Variants in GCH1 observed in about 807,000 individuals in gnomAD.
GCH1 encodes GTP cyclohydrolase I.
A neutral mutation model predicts 25.9 loss-of-function variants in GCH1; 5 were observed. That is an observed-to-expected ratio of 0.19 (90% confidence interval 0.10 to 0.41). The LOEUF (loss-of-function observed/expected upper bound fraction) is 0.41, where lower values mean the gene tolerates loss of function less well. GCH1 is among the 10% of genes least tolerant of loss of function. The pLI is 1.00. For missense variants in GCH1, 261 were observed against 336.5 expected (o/e 0.78, Z 1.75); for synonymous variants, 159 against 129.6 (o/e 1.23, Z -1.54).
At chr14:54,902,214 T>C in intron 1 of GCH1, 107 bp downstream of exon 1, 4 of 1,268,482 alleles carry the variant, frequency 3.2e-6, no homozygotes, top group South Asian at 1.3e-5. Flanking sequence ...CCCGGCTTCC[T>C]GCGCCAAAAG....
At chr14:54,853,447 G>C (rs1252792197) in intron 3 of GCH1, among the ~76,000 whole-genome samples, 1 of 152,216 alleles carries the variant, frequency 6.6e-6, no homozygotes, top group African/African-American at 2.4e-5. Context: ...AGGGAGGACA[G>C]AATCCAGACT....
chr14:54,850,819 T>C (rs1361257095), intron 3 of GCH1, among the ~76,000 whole-genome samples: 1 of 152,204 alleles, frequency 6.6e-6, no homozygotes, highest in African/African-American at 2.4e-5. Context: ...CATCTTTTGT[T>C]ATGGCTGCAT....
At chr14:54,893,593 A>G (rs541403801) in intron 1 of GCH1, among the ~76,000 whole-genome samples, 17 of 152,352 alleles carry the variant, frequency 1.1e-4, no homozygotes, top group Admixed American at 4.6e-4. Context: ...AGAGATTACA[A>G]TGATTCTCTT....
intron 1 of GCH1, chr14:54,885,868 G>A (rs191658478): frequency 2.2e-3 from 390 of 177,338 alleles, no homozygotes; most frequent in Middle Eastern, 7.7e-3. Flanking sequence ...CATCCTGGGC[G>A]GCAGAGCTAG....
chr14:54,899,552 C>A lies in GCH1; in HGVS notation c.343+2769G>T, dbSNP rs61977039. Among the ~76,000 whole-genome samples, 638 of 152,272 alleles carry A rather than the reference C, an allele frequency of 4.2e-3. 4 individuals are homozygous for A. Among genetic ancestry groups the A allele is most frequent in the Admixed American group, 0.013 (193 of 15,294 alleles). On this transcript the variant is annotated intron_variant, in intron 1 of 5. Transcript: ENST00000491895. The stretch of plus-strand genomic sequence containing the variant: ...ACAGGGTCTCCCCACGTTGCCCAGG[C>A]TGTTCTCCTGAGCAACAACTATCCT...
intron 1 of GCH1, among the ~76,000 whole-genome samples, chr14:54,867,907 A>G (rs2040012094): frequency 6.6e-6 from 1 of 152,226 alleles, no homozygotes; most frequent in Non-Finnish European, 1.5e-5. Context: ...AAAAGGAAAA[A>G]TAGTAACTTG....
At chr14:54,892,274 C>T (rs1353846159) in intron 1 of GCH1, among the ~76,000 whole-genome samples, 1 of 152,200 alleles carries the variant, frequency 6.6e-6, no homozygotes, top group African/African-American at 2.4e-5. Flanking sequence ...CAGTTTCAGG[C>T]ACCCACTGGG....
chr14:54,886,489 G>A (rs528872146), intron 1 of GCH1, among the ~76,000 whole-genome samples: 2 of 152,252 alleles, frequency 1.3e-5, no homozygotes, highest in South Asian at 4.2e-4. Flanking sequence ...GTGGGTGCCT[G>A]TAGTCCCAGC....
At chr14:54,892,896 T>C (rs2040440992) in intron 1 of GCH1, among the ~76,000 whole-genome samples, 1 of 149,670 alleles carries the variant, frequency 6.7e-6, no homozygotes, top group African/African-American at 2.5e-5. Context: ...CTGGCTAACA[T>C]GGTGAAACCC....
rs559547184 is a variant in GCH1 at position 54,876,570 on chromosome 14, G to T, written c.344-11134C>A. Among the ~76,000 whole-genome samples, 177 of 152,188 alleles carry T rather than the reference G, an allele frequency of 1.2e-3. 1 individual carries two copies. The highest frequency in any genetic ancestry group is 4.1e-3 in the African/African-American group (169 of 41,538). On this transcript the variant is annotated intron_variant, in intron 1 of 5. Transcript: ENST00000491895. Reference sequence around the variant, plus strand: ...GCTATTCAGGCGGCTGAAGCAGGAGGATCCCTTGAACCCAGGATAGGAGTT... The same window carrying T: ...GCTATTCAGGCGGCTGAAGCAGGAGTATCCCTTGAACCCAGGATAGGAGTT...
intron 2 of GCH1, among the ~76,000 whole-genome samples, chr14:54,860,922 A>G (rs1203993853): frequency 3.3e-5 from 5 of 152,214 alleles, no homozygotes; most frequent in African/African-American, 1.2e-4. Context: ...GTTTTAAAGG[A>G]CCCAATATAC....
At position 54,843,454 on chromosome 14, in the gene GCH1, T is replaced by TC; in HGVS notation, c.*562dup. On this transcript the variant is annotated 3_prime_UTR_variant, in exon 6 of 6. Coordinates refer to ENST00000491895, the MANE Select transcript of GCH1 (RefSeq NM_000161.3). ...ACAGTAAAATCAAAAACATAGACAT[T>TC]CCACCACCTTCCCTTGGTGACTAAC... The TC allele has an allele frequency of 8.1e-7, 1 of 1,236,482 alleles. No homozygotes were observed. The highest frequency in any genetic ancestry group is 1.0e-6 in the Non-Finnish European group (1 of 987,710). The allele number at this position is 1,236,482 out of a possible 1,614,324, so 76.6% of individuals were successfully genotyped here. A position where few individuals can be genotyped will look rare whatever the true frequency, so the allele number is the denominator to read the frequency against.
intron 1 of GCH1, among the ~76,000 whole-genome samples, chr14:54,870,422 A>C (rs1314887991): frequency 2.0e-5 from 3 of 150,622 alleles, no homozygotes; most frequent in Non-Finnish European, 4.4e-5. Flanking sequence ...TCCCAGTGTG[A>C]GCAACGCATA....
intron 3 of GCH1, among the ~76,000 whole-genome samples, chr14:54,853,830 C>T (rs1226856385): frequency 1.3e-5 from 2 of 151,980 alleles, no homozygotes; most frequent in East Asian, 1.9e-4. Context: ...TTTCTCTACG[C>T]TCTTGAATTA....
At chr14:54,861,901 T>A (rs1052643851) in intron 2 of GCH1, among the ~76,000 whole-genome samples, 1 of 152,166 alleles carries the variant, frequency 6.6e-6, no homozygotes, top group African/African-American at 2.4e-5. Context: ...CTTGAACAAG[T>A]CACAGGCTTT....
In GCH1 at chr14:54,859,684, G is replaced by C; in HGVS notation, c.506C>G (p.Ala169Gly). The stretch of plus-strand genomic sequence containing the variant: ...TTCACTGCACAGTCACACTTACCTC[G>C]CAAGTTTGCTGAGGCCAAGGACTTG... Reference protein sequence around the residue: ...NKQVLGLSKLARIVEIYSRRL... With the variant: ...NKQVLGLSKLGRIVEIYSRRL... Residue 169 changes from alanine (A) to glycine (G), a missense_variant, in exon 3 of 6, where the codon GCG (alanine) becomes GGG (glycine). By Grantham distance (60) the Ala-to-Gly change is moderately conservative (BLOSUM62 0). This residue lies in a region of GCH1 where 130 missense variants were observed against 184.1 expected (regional missense o/e 0.71). Coordinates refer to ENST00000491895, the MANE Select transcript of GCH1 (RefSeq NM_000161.3). 6.3e-7 allele frequency: 1 copy of C among 1,576,046 alleles called. No individual in the cohort carries two copies. The highest frequency in any genetic ancestry group is 8.7e-7 in the Non-Finnish European group (1 of 1,145,416).
intron 1 of GCH1, among the ~76,000 whole-genome samples, chr14:54,901,180 C>G (rs1451701462): frequency 2.7e-5 from 4 of 150,884 alleles, no homozygotes; most frequent in Non-Finnish European, 4.4e-5. Context: ...GGTGGAATCG[C>G]TCTACACTCC....
At chr14:54,896,585 G>GCA (rs1237436679) in intron 1 of GCH1, among the ~76,000 whole-genome samples, 1 of 151,950 alleles carries the variant, frequency 6.6e-6, no homozygotes, top group African/African-American at 2.4e-5. Flanking sequence ...TGGAGCCAGT[G>GCA]CACACACACA....
At chr14:54,885,060 T>G (rs1231180811) in intron 1 of GCH1, 2 of 309,874 alleles carry the variant, frequency 6.5e-6, no homozygotes, top group Admixed American at 3.5e-5. Flanking sequence ...TTGCAGACAC[T>G]GAACCACCAG....
Sources: allele counts gnomAD v4.1 joint callset (sites outside exome capture counted in the v4.1 genomes callset), GRCh38; gene constraint gnomAD v4.1.1; regional missense constraint gnomAD v4.1.1; transcripts MANE v1.5; gene names NCBI Gene and HGNC (gene_info 2026-07-23, HGNC 2026-07-21).